Variants in PLXDC1 observed in about 807,000 individuals in gnomAD.
PLXDC1 encodes plexin domain containing 1, also known as plexin domain-containing protein 1.
In PLXDC1, 39 loss-of-function variants were observed where a neutral mutation model predicts 61.3. That is an observed-to-expected ratio of 0.64 (90% CI 0.49 to 0.83). The LOEUF is 0.83. PLXDC1 is among the 40% of genes least tolerant of loss of function. PLXDC1 has a pLI of 0.00. For missense variants in PLXDC1, 596 were observed against 666.5 expected, an observed-to-expected ratio of 0.89 and a Z score of 1.17; for synonymous variants, 212 against 254.5, an observed-to-expected ratio of 0.83 and a Z score of 1.59.
chr17:39,112,439 C>T (rs1910838273), intron 2 of PLXDC1, among the ~76,000 whole-genome samples: 1 of 150,340 alleles, frequency 6.7e-6, no homozygotes, highest in Non-Finnish European at 1.5e-5. Context: ...GCTATTCAGC[C>T]CATCTTTTTT....
chr17:39,091,222 G>A lies in PLXDC1; in HGVS notation c.812-3520C>T, dbSNP rs28439806. ...GGACGGCAGTGCTCAGGTGGTGAAT[G>A]GACTGGGGACCCTGGAGACTGAGGT... On this transcript the variant is annotated intron_variant, in intron 7 of 13. Transcript: ENST00000315392. Among the ~76,000 whole-genome samples the A allele has an allele frequency of 5.9e-3, 900 of 152,290 alleles. 7 individuals are homozygous for A. The highest frequency in any genetic ancestry group is 0.021 in the African/African-American group (855 of 41,560).
chr17:39,078,944 G>T (rs1326379519), intron 10 of PLXDC1, among the ~76,000 whole-genome samples, 160 bp downstream of exon 10: 1 of 152,192 alleles, frequency 6.6e-6, no homozygotes, highest in Non-Finnish European at 1.5e-5. Flanking sequence ...GGGTCTGATT[G>T]GCTCAAGGCA....
intron 2 of PLXDC1, among the ~76,000 whole-genome samples, chr17:39,114,384 C>T (rs1172721779): frequency 6.6e-6 from 1 of 152,210 alleles, no homozygotes; most frequent in African/African-American, 2.4e-5. Flanking sequence ...CCCTTCCTCA[C>T]CTATCCAGCC....
intron 12 of PLXDC1, chr17:39,071,971 A>G (rs1909137030): frequency 5.9e-6 from 1 of 169,830 alleles, no homozygotes; most frequent in East Asian, 1.5e-4. Context: ...TAATCCTAGG[A>G]GGCTGCAGGG....
At chr17:39,148,854 G>A (rs999176119) in intron 1 of PLXDC1, among the ~76,000 whole-genome samples, 5 of 152,228 alleles carry the variant, frequency 3.3e-5, no homozygotes, top group Admixed American at 1.3e-4. Context: ...ATGAGCCACC[G>A]TGACTGGTGC....
At chr17:39,102,877 G>C (rs1910471919) in intron 7 of PLXDC1, among the ~76,000 whole-genome samples, 1 of 152,070 alleles carries the variant, frequency 6.6e-6, no homozygotes, top group Non-Finnish European at 1.5e-5. Flanking sequence ...CCTAATCTCT[G>C]TACATCCTTT....
chr17:39,135,773 AAAC>A (rs374132487), intron 2 of PLXDC1, among the ~76,000 whole-genome samples: 259 of 152,102 alleles, frequency 1.7e-3, no homozygotes, highest in African/African-American at 6.0e-3. Flanking sequence ...GGGGAACTTG[AAAC>A]AACAACAACA....
intron 7 of PLXDC1, among the ~76,000 whole-genome samples, chr17:39,105,486 T>A (rs1910560386): frequency 6.6e-6 from 1 of 152,124 alleles, no homozygotes; most frequent in Admixed American, 6.5e-5. Flanking sequence ...TGGCATCCTA[T>A]GATGCTCCCT....
intron 2 of PLXDC1, among the ~76,000 whole-genome samples, chr17:39,115,671 G>A (rs1320407126): frequency 1.3e-5 from 2 of 152,196 alleles, no homozygotes; most frequent in Admixed American, 6.5e-5. Context: ...GGAGCATTTG[G>A]GAGCGTGGGA....
At chr17:39,090,729 T>G (rs142829596) in intron 7 of PLXDC1, among the ~76,000 whole-genome samples, 2 of 152,302 alleles carry the variant, frequency 1.3e-5, no homozygotes, top group Non-Finnish European at 2.9e-5. Context: ...CCGACTGCTT[T>G]TTTGCTGTTC....
At chr17:39,068,115 C>T (rs973685811) in intron 13 of PLXDC1, among the ~76,000 whole-genome samples, 156 bp from the exon 14 acceptor site, 1 of 152,232 alleles carries the variant, frequency 6.6e-6, no homozygotes, top group Admixed American at 6.5e-5. Context: ...CAGGGACCCT[C>T]TCCCTAAAAT....
intron 6 of PLXDC1, 56 bp from the exon 7 acceptor site, chr17:39,106,009 G>T: frequency 9.3e-7 from 1 of 1,079,452 alleles, no homozygotes; most frequent in Non-Finnish European, 1.3e-6. Flanking sequence ...GGCCCACCCA[G>T]CCCTCCCCTG....
intron 2 of PLXDC1, among the ~76,000 whole-genome samples, chr17:39,123,842 T>C (rs1911238515): frequency 6.6e-6 from 1 of 152,134 alleles, no homozygotes; most frequent in Non-Finnish European, 1.5e-5. Flanking sequence ...GCCCATCACC[T>C]GCCAGCCAAC....
At chr17:39,101,321 T>C (rs1910411869) in intron 7 of PLXDC1, among the ~76,000 whole-genome samples, 1 of 152,218 alleles carries the variant, frequency 6.6e-6, no homozygotes, top group African/African-American at 2.4e-5. Flanking sequence ...AGTAGGTGCC[T>C]GCTGTCTGAC....
rs1233861284 is a variant in PLXDC1, at chr17:39,072,455, C to A, written c.1217G>T (p.Gly406Val). ...GCAGGCAGTTCTGTACTCACCGTCTCCTCCTGCATAGGGATTCAACTTGGT... is the reference window on the plus strand; with the variant it reads ...GCAGGCAGTTCTGTACTCACCGTCTACTCCTGCATAGGGATTCAACTTGGT... ...DDTKLNPYAG[G>V]DGLQNNLSPK... Residue 406 changes from glycine (G) to valine (V), a missense_variant, in exon 12 of 14, where the codon GGA becomes GTA. Gly to Val is a moderately radical substitution (Grantham distance 109). Transcript: ENST00000315392. The A allele has an allele frequency of 6.4e-7, 1 of 1,554,442 alleles. No individual in the cohort carries two copies.
chr17:39,071,003 C>T (rs1181662584), intron 12 of PLXDC1, among the ~76,000 whole-genome samples: 1 of 152,104 alleles, frequency 6.6e-6, no homozygotes, highest in Admixed American at 6.6e-5. Flanking sequence ...ACAAAACTGG[C>T]AGGCCCGTCA....
At chr17:39,094,104 C>T (rs1910056071) in intron 7 of PLXDC1, among the ~76,000 whole-genome samples, 1 of 151,960 alleles carries the variant, frequency 6.6e-6, no homozygotes, top group East Asian at 1.9e-4. Flanking sequence ...AATTCACATG[C>T]CCAGAGGTGG....
At chr17:39,111,235 C>T (rs1289222820) in intron 2 of PLXDC1, among the ~76,000 whole-genome samples, 5 of 152,312 alleles carry the variant, frequency 3.3e-5, no homozygotes, top group Middle Eastern at 6.8e-3. Context: ...TGGCCACCCT[C>T]GCCTTCTCCC....
intron 7 of PLXDC1, among the ~76,000 whole-genome samples, chr17:39,091,467 C>A (rs1909948136): frequency 1.3e-5 from 2 of 152,150 alleles, no homozygotes. Context: ...GAGATCCAGG[C>A]CTCCTCCCAC....
Sources: allele counts gnomAD v4.1 joint callset (sites outside exome capture counted in the v4.1 genomes callset), GRCh38; gene constraint gnomAD v4.1.1; transcripts MANE v1.5; gene names NCBI Gene and HGNC (gene_info 2026-07-23, HGNC 2026-07-21).